FAM13B: variants seen among roughly 807,000 people sequenced by gnomAD.
The protein encoded by FAM13B is protein FAM13B.
Under a neutral mutation model 117.3 loss-of-function variants are expected in FAM13B, and 60 were observed. The ratio of observed to expected loss-of-function variants is 0.51; its 90% CI spans 0.42 to 0.63. FAM13B has a LOEUF of 0.63. Ranked by LOEUF, FAM13B falls within the 30% of genes least tolerant of loss-of-function variation. The pLI is 0.00. For synonymous variants in FAM13B, 332 were observed against 356.1 expected (o/e 0.93, Z 0.76); for missense variants, 972 against 1,091.9 (o/e 0.89, Z 1.55).
chr5:137,952,538 A>T, intron 17 of FAM13B, 90 bp downstream of exon 17: 2 of 873,962 alleles, frequency 2.3e-6, no homozygotes, highest in Non-Finnish European at 3.5e-6. Context: ...CAAGATTTAA[A>T]ATTATCAAAA....
chr5:137,998,793 T>C (rs890811184), intron 7 of FAM13B, among the ~76,000 whole-genome samples: 1 of 152,238 alleles, frequency 6.6e-6, no homozygotes, highest in African/African-American at 2.4e-5. Context: ...CTTTTCCAAA[T>C]GACCAATATA....
intron 2 of FAM13B, among the ~76,000 whole-genome samples, 183 bp from the exon 3 acceptor site, chr5:138,019,329 TTACGAAGAGTTAGTGC>T (rs1486114156): frequency 6.6e-6 from 1 of 152,206 alleles, no homozygotes; most frequent in Non-Finnish European, 1.5e-5. Flanking sequence ...ATATTCCCTA[TTACGAAGAGTTAGTGC>T]TGAATGCTCC....
Position 137,980,440 on chromosome 5 carries a change from C to CT in FAM13B, c.1179+4816dup, listed in dbSNP as rs11309404. Among the ~76,000 whole-genome samples, 298 of 84,896 alleles carry CT rather than the reference C, an allele frequency of 3.5e-3. 5 individuals are homozygous for CT. The highest frequency in any genetic ancestry group is 0.012 in the African/African-American group (271 of 23,280). 55.7% of individuals were successfully genotyped at this position (84,896 alleles called of 152,430 possible). On this transcript the variant is annotated intron_variant, in intron 10 of 23. Coordinates refer to ENST00000689681, the MANE Select transcript of FAM13B (RefSeq NM_001385994.1). ...TATAAAGTAATTGATACACTAATTT[C>CT]TTTTTTTTTTTTTTTTTTTTGAGAC...
At chr5:138,015,993 T>C (rs567455605) in intron 4 of FAM13B, among the ~76,000 whole-genome samples, 2 of 152,368 alleles carry the variant, frequency 1.3e-5, no homozygotes, top group East Asian at 3.8e-4. Flanking sequence ...TTATTGACCA[T>C]AAGCATTTTT....
intron 10 of FAM13B, among the ~76,000 whole-genome samples, chr5:137,969,517 G>C (rs539584273): frequency 6.6e-6 from 1 of 152,200 alleles, no homozygotes; most frequent in Non-Finnish European, 1.5e-5. Flanking sequence ...GGAAAAAACA[G>C]AGCAGAAAAA....
chr5:137,977,324 T>C (rs1284225424), intron 10 of FAM13B, among the ~76,000 whole-genome samples: 2 of 152,228 alleles, frequency 1.3e-5, no homozygotes, highest in African/African-American at 4.8e-5. Flanking sequence ...CCTGTGGTCC[T>C]GTGATCTCGC....
chr5:138,013,619 C>T (rs978730383), intron 4 of FAM13B, among the ~76,000 whole-genome samples: 7 of 152,212 alleles, frequency 4.6e-5, no homozygotes, highest in South Asian at 4.1e-4. Flanking sequence ...TACCAGCTGT[C>T]CATTCAAATG....
chr5:138,000,305 G>A (rs1417098064), intron 7 of FAM13B, among the ~76,000 whole-genome samples: 2 of 152,048 alleles, frequency 1.3e-5, no homozygotes, highest in East Asian at 3.9e-4. Context: ...AAGCTGAGGT[G>A]GGAGGATTGC....
At chr5:137,974,606 T>A in intron 10 of FAM13B, among the ~76,000 whole-genome samples, 1 of 119,498 alleles carries the variant, frequency 8.4e-6, no homozygotes, top group East Asian at 2.5e-4. Context: ...ACTTAAAGTA[T>A]AATAATAATA....
intron 10 of FAM13B, among the ~76,000 whole-genome samples, chr5:137,979,445 G>A (rs535948460): frequency 3.8e-4 from 58 of 152,166 alleles, no homozygotes; most frequent in African/African-American, 1.3e-3. Flanking sequence ...ACAGATCTGG[G>A]TACATCATTC....
chr5:137,954,132 A>T, intron 15 of FAM13B, 34 bp downstream of exon 15: 1 of 1,512,928 alleles, frequency 6.6e-7, no homozygotes, highest in Non-Finnish European at 9.2e-7. Context: ...ACATAATAGG[A>T]ATTGCCTCTT....
At chr5:137,988,161 T>C (rs1047116353) in intron 8 of FAM13B, 113 bp downstream of exon 8, 15 of 681,422 alleles carry the variant, frequency 2.2e-5, no homozygotes, top group Non-Finnish European at 3.3e-5. Context: ...ACTAGTTTAC[T>C]GCCTGTGTAC....
At chr5:137,966,488 T>TATATATATATATATATAGAGAGAG (rs1461425784) in intron 10 of FAM13B, among the ~76,000 whole-genome samples, 1 of 29,470 alleles carries the variant, frequency 3.4e-5, no homozygotes, top group Non-Finnish European at 6.1e-5. Flanking sequence ...TATATATATA[T>TATATATATATATATATAGAGAGAG]AGAGAGAGAG....
intron 17 of FAM13B, among the ~76,000 whole-genome samples, chr5:137,949,847 AGC>A (rs1429951483): frequency 2.0e-5 from 3 of 150,946 alleles, no homozygotes; most frequent in Non-Finnish European, 4.4e-5. Flanking sequence ...TGTAAGTCCC[AGC>A]TACTTGGGAG....
chr5:137,956,016 A>G (rs1433357619), intron 14 of FAM13B, among the ~76,000 whole-genome samples: 2 of 152,184 alleles, frequency 1.3e-5, no homozygotes, highest in South Asian at 4.1e-4. Flanking sequence ...AGGGCTTGAC[A>G]GTGTCAAAAT....
intron 22 of FAM13B, chr5:137,942,267 A>G (rs1428137303): frequency 1.8e-6 from 1 of 545,814 alleles, no homozygotes; most frequent in Non-Finnish European, 3.2e-6. Context: ...AGTGACATAC[A>G]CCATATCATC....
intron 18 of FAM13B, among the ~76,000 whole-genome samples, chr5:137,947,707 G>A (rs1763828164): frequency 1.3e-5 from 2 of 151,998 alleles, no homozygotes; most frequent in Non-Finnish European, 2.9e-5. Context: ...TCAGCCTCTG[G>A]AGTAGCTGGA....
upstream of FAM13B, chr5:138,037,224 C>A (rs934907008): frequency 2.0e-5 from 3 of 152,530 alleles, no homozygotes; most frequent in African/African-American, 7.2e-5. Flanking sequence ...TTCCAAGACT[C>A]CTTCTGGAGA....
At chr5:137,992,254 A>C (rs1315675633) in intron 7 of FAM13B, among the ~76,000 whole-genome samples, 2 of 151,450 alleles carry the variant, frequency 1.3e-5, no homozygotes, top group African/African-American at 4.8e-5. Context: ...AAATTTTTAA[A>C]ACCTATTTTT....
Sources: allele counts gnomAD v4.1 joint callset (sites outside exome capture counted in the v4.1 genomes callset), GRCh38; gene constraint gnomAD v4.1.1; transcripts MANE v1.5; gene names NCBI Gene and HGNC (gene_info 2026-07-23, HGNC 2026-07-21).